The following TBC1D30 variants were observed in gnomAD, a reference collection of about 807,000 sequenced individuals.
TBC1D30 encodes TBC1 domain family member 30.
A neutral mutation model predicts 63.2 loss-of-function variants in TBC1D30; 31 were observed. The observed-to-expected ratio is 0.49, with a 90% confidence interval of 0.37 to 0.66. TBC1D30 has a LOEUF of 0.66. Among genes scored for constraint, TBC1D30 ranks in the 30% least tolerant of loss-of-function variants. The pLI, the probability that TBC1D30 is intolerant of heterozygous loss-of-function variation, is 0.00. For synonymous variants in TBC1D30, 307 were observed against 361.5 expected (o/e 0.85, Z 1.71); for missense variants, 810 against 953.6 (o/e 0.85, Z 1.98).
upstream of TBC1D30, among the ~76,000 whole-genome samples, chr12:64,824,413 C>A (rs1319673982): frequency 6.6e-6 from 1 of 152,184 alleles, no homozygotes; most frequent in African/African-American, 2.4e-5. Flanking sequence ...TCCCTCTGTT[C>A]CCTCCCAGAT....
chr12:64,844,699 C>A (rs1281533459), intron 8 of TBC1D30, among the ~76,000 whole-genome samples: 1 of 152,252 alleles, frequency 6.6e-6, no homozygotes, highest in East Asian at 1.9e-4. Context: ...TGGAAACCAT[C>A]CTTCTACTGT....
chr12:64,814,741 G>GT (rs1281475236), intron 2 of TBC1D30, among the ~76,000 whole-genome samples: 1 of 152,162 alleles, frequency 6.6e-6, no homozygotes, highest in African/African-American at 2.4e-5. Context: ...CGCTTATACT[G>GT]TTTCTAAAAG....
At chr12:64,805,924 CAT>C (rs1426532149) in intron 2 of TBC1D30, among the ~76,000 whole-genome samples, 1 of 152,152 alleles carries the variant, frequency 6.6e-6, no homozygotes, top group African/African-American at 2.4e-5. Flanking sequence ...TATCAGAAAA[CAT>C]AACAGCTTTC....
At chr12:64,806,327 G>C (rs1256979863) in intron 2 of TBC1D30, among the ~76,000 whole-genome samples, 1 of 152,184 alleles carries the variant, frequency 6.6e-6, no homozygotes, top group African/African-American at 2.4e-5. Flanking sequence ...TGAAGTGACT[G>C]AGTTTTCCTG....
At chr12:64,773,834 G>A (rs1476783070) in intron 1 of TBC1D30, among the ~76,000 whole-genome samples, 1 of 152,180 alleles carries the variant, frequency 6.6e-6, no homozygotes, top group Non-Finnish European at 1.5e-5. Flanking sequence ...ATAAAGATGA[G>A]AAAGAATCAG....
At chr12:64,776,083 A>G (rs1253971156), upstream of TBC1D30, among the ~76,000 whole-genome samples, 1 of 152,216 alleles carries the variant, frequency 6.6e-6, no homozygotes, top group Non-Finnish European at 1.5e-5. Flanking sequence ...AACTAATGAG[A>G]ACAAAGATAT....
At chr12:64,848,103 C>T (rs1592632145) in intron 8 of TBC1D30, among the ~76,000 whole-genome samples, 6 of 152,054 alleles carry the variant, frequency 3.9e-5, no homozygotes, top group South Asian at 2.1e-4. Context: ...ATTATATCCT[C>T]TTGCTGAATT....
At chr12:64,834,707 CTTTTTTT>C (rs11374555) in intron 5 of TBC1D30, among the ~76,000 whole-genome samples, 25 of 76,320 alleles carry the variant, frequency 3.3e-4, no homozygotes, top group Non-Finnish European at 5.2e-4. Context: ...CCGTGCCGGG[CTTTTTTT>C]TTTTTTTTTT....
At chr12:64,791,680 T>TTGTGTG (rs58531661) in intron 2 of TBC1D30, among the ~76,000 whole-genome samples, 11 of 150,236 alleles carry the variant, frequency 7.3e-5, no homozygotes, top group Non-Finnish European at 1.6e-4. Context: ...CCTGGCTAAT[T>TTGTGTG]TGTGTGTGTG....
At position 64,876,074 on chromosome 12, in the gene TBC1D30, ACTATAT is replaced by A. The variant is rs1368622401; in HGVS notation, c.*290_*295del. The A allele has an allele frequency of 5.7e-6, 2 of 349,594 alleles. No homozygotes were observed. The highest frequency in any genetic ancestry group is 1.0e-5 in the Non-Finnish European group (2 of 194,138). The allele number at this position is 349,594 out of a possible 1,614,324, so 21.7% of individuals were successfully genotyped here. ...TTTCATTGTGAGCTGTTTAAAAAAG[ACTATAT>A]CTAGATTGTTAACTCTCGTCCATCC... On this transcript the variant is annotated 3_prime_UTR_variant, in exon 12 of 12. Coordinates refer to ENST00000539867, the MANE Select transcript of TBC1D30 (RefSeq NM_015279.2).
In TBC1D30 at chr12:64,838,584, A is replaced by G. The variant is rs1301999169; in HGVS notation, c.764-99A>G. ...AATATGAAGAAATCAGTCAGGAAATACAACAAATTTGAGTGGACATGGAAG... is the reference window on the plus strand; with the variant it reads ...AATATGAAGAAATCAGTCAGGAAATGCAACAAATTTGAGTGGACATGGAAG... On this transcript the variant is annotated intron_variant, in intron 6 of 11. Coordinates refer to ENST00000539867, the MANE Select transcript of TBC1D30 (RefSeq NM_015279.2). 4 of 1,192,816 alleles carry G rather than the reference A, an allele frequency of 3.4e-6. No homozygotes were observed. The African/African-American group carries it at 6.2e-5, about 18-fold the overall frequency. The allele number at this position is 1,192,816 out of a possible 1,614,324, so 73.9% of individuals were successfully genotyped here.
upstream of TBC1D30, among the ~76,000 whole-genome samples, chr12:64,778,550 T>TTA (rs1871145496): frequency 2.5e-5 from 1 of 40,786 alleles, no homozygotes; most frequent in African/African-American, 1.2e-4. Context: ...CAGAGAAGCC[T>TTA]TTTTTTTTTT....
Position 64,875,606 on chromosome 12 carries a change from A to G in TBC1D30, c.2104A>G (p.Ser702Gly). 2 of 1,536,224 alleles carry G rather than the reference A, an allele frequency of 1.3e-6. No individual in the cohort carries two copies. Among genetic ancestry groups the G allele is most frequent in the Non-Finnish European group, 1.7e-6 (2 of 1,146,916 alleles). Reference protein sequence around the residue: ...NKATSKAPQGSNSKTPIFSPF... With the variant: ...NKATSKAPQGGNSKTPIFSPF... ...AGCCACCAGCAAAGCTCCCCAAGGC[A>G]GCAACTCAAAAACCCCCATCTTTAG... The change falls in exon 12 of 12, where the codon AGC becomes GGC. Residue 702 changes from serine to glycine, a missense_variant. This residue lies in a region of TBC1D30 where 450 missense variants were observed against 473.0 expected (regional missense o/e 0.95). Coordinates refer to ENST00000539867, the MANE Select transcript of TBC1D30 (RefSeq NM_015279.2).
rs1592671513 is a variant in TBC1D30 at position 64,876,060 on chromosome 12, G to A, written c.*272G>A. On this transcript the variant is annotated 3_prime_UTR_variant, in exon 12 of 12. Transcript: ENST00000539867. ...AAGTTTTCCCAATTTTTCATTGTGA[G>A]CTGTTTAAAAAAGACTATATCTAGA... is the stretch of plus-strand genomic sequence containing the variant. 2.6e-6 allele frequency: 1 copy of A among 390,974 alleles called. No individual in the cohort carries two copies. Among genetic ancestry groups the A allele is most frequent in the East Asian group, 4.6e-5 (1 of 21,580 alleles). The allele number at this position is 390,974 out of a possible 1,614,324, so 24.2% of individuals were successfully genotyped here.
chr12:64,817,861 G>A (rs1215627864), intron 2 of TBC1D30, among the ~76,000 whole-genome samples: 4 of 152,032 alleles, frequency 2.6e-5, no homozygotes, highest in Admixed American at 2.0e-4. Flanking sequence ...TCAAGAGTTC[G>A]AGACCAGCCT....
chr12:64,857,865 T>C (rs146210397), intron 8 of TBC1D30, among the ~76,000 whole-genome samples: 88 of 152,296 alleles, frequency 5.8e-4, no homozygotes, highest in African/African-American at 1.9e-3. Flanking sequence ...TTGCTCTCCA[T>C]TGTGGCAGAG....
intron 2 of TBC1D30, among the ~76,000 whole-genome samples, chr12:64,796,629 G>A (rs1872290015): frequency 6.6e-6 from 1 of 152,202 alleles, no homozygotes; most frequent in Non-Finnish European, 1.5e-5. Flanking sequence ...TATATTATGA[G>A]AGAATACTTC....
chr12:64,858,724 A>G (rs1228024465), intron 8 of TBC1D30, among the ~76,000 whole-genome samples: 3 of 152,212 alleles, frequency 2.0e-5, no homozygotes, highest in African/African-American at 4.8e-5. Context: ...TCTATGCTGT[A>G]TATTAACTTC....
At chr12:64,833,898 A>T (rs1188669988) in intron 5 of TBC1D30, among the ~76,000 whole-genome samples, 2 of 151,852 alleles carry the variant, frequency 1.3e-5, no homozygotes, top group African/African-American at 4.8e-5. Context: ...TGGTATGATG[A>T]TAAAATGGGA....
Sources: gnomAD v4.1 joint callset for allele counts (sites outside exome capture counted in the v4.1 genomes callset) on GRCh38, gnomAD v4.1.1 for gene constraint, gnomAD v4.1.1 regional missense constraint, MANE v1.5 for transcripts, NCBI Gene and HGNC (gene_info 2026-07-23, HGNC 2026-07-21) for gene names.